The following ULK2 variants were observed in gnomAD, a reference collection of about 807,000 sequenced individuals.
The protein encoded by ULK2 is unc-51 like autophagy activating kinase 2.
ULK2 carries 76 observed loss-of-function variants against 127.5 expected under a neutral mutation model. That is an observed-to-expected ratio of 0.60 (90% confidence interval 0.50 to 0.72). ULK2 has a LOEUF of 0.72. ULK2 is among the 30% of genes least tolerant of loss of function. ULK2 has a pLI of 0.00. For synonymous variants in ULK2, 452 were observed against 461.9 expected (o/e 0.98, Z 0.28); for missense variants, 1,144 against 1,295.9 (o/e 0.88, Z 1.80).
intron 14 of ULK2, among the ~76,000 whole-genome samples, chr17:19,807,512 T>C (rs190351110): frequency 1.3e-5 from 2 of 152,298 alleles, no homozygotes; most frequent in African/African-American, 4.8e-5. Context: ...ATTCCCTACA[T>C]GTACTGAAAA....
rs938227934 is a variant in ULK2, at chr17:19,789,933, T to G, written c.2102-3847A>C. On this transcript the variant is annotated intron_variant, in intron 20 of 26. Transcript: ENST00000395544. The stretch of plus-strand genomic sequence containing the variant: ...GCCAAAAAAAAAAAAAAACAAAAAC[T>G]AAGGGTTATTGGCCTTAAGTAGAAA... Among the ~76,000 whole-genome samples, 4 of 137,108 alleles carry G rather than the reference T, an allele frequency of 2.9e-5. No individual in the cohort carries two copies. The East Asian group carries it at 6.5e-4, about 22-fold the overall frequency. 89.9% of individuals were successfully genotyped at this position (137,108 alleles called of 152,430 possible). A position where few individuals can be genotyped will look rare whatever the true frequency, so the allele number is the denominator to read the frequency against.
At chr17:19,824,282 A>T (rs555572182) in intron 12 of ULK2, among the ~76,000 whole-genome samples, 1 of 151,914 alleles carries the variant, frequency 6.6e-6, no homozygotes, top group African/African-American at 2.4e-5. Context: ...CCGTCTCTAC[A>T]AAAGATACAA....
intron 10 of ULK2, among the ~76,000 whole-genome samples, chr17:19,829,595 T>C (rs1432602133): frequency 2.1e-5 from 3 of 139,832 alleles, no homozygotes; most frequent in Non-Finnish European, 3.0e-5. Flanking sequence ...CCCAGCACTT[T>C]AGGAGGCTGA....
chr17:19,832,689 G>A (rs1048214841), intron 10 of ULK2, among the ~76,000 whole-genome samples: 1 of 152,086 alleles, frequency 6.6e-6, no homozygotes, highest in Non-Finnish European at 1.5e-5. Flanking sequence ...TGTAGACAAA[G>A]GGGTGACCCC....
At chr17:19,808,404 A>T (rs940361276) in intron 14 of ULK2, among the ~76,000 whole-genome samples, 2 of 152,244 alleles carry the variant, frequency 1.3e-5, no homozygotes, top group Non-Finnish European at 1.5e-5. Flanking sequence ...CCAAAAGCAC[A>T]GGCAACAAAA....
chr17:19,795,194 T>C (rs2087241007), intron 20 of ULK2, among the ~76,000 whole-genome samples: 1 of 151,930 alleles, frequency 6.6e-6, no homozygotes, highest in Non-Finnish European at 1.5e-5. Context: ...TAGATATACA[T>C]GGGTGGTCAT....
At chr17:19,858,391 C>A (rs1597822382) in intron 3 of ULK2, among the ~76,000 whole-genome samples, 1 of 151,600 alleles carries the variant, frequency 6.6e-6, no homozygotes, top group African/African-American at 2.4e-5. Flanking sequence ...GAGAGCCAGA[C>A]CCTGTCTCAA....
At chr17:19,776,753 T>C (rs961149447) in intron 26 of ULK2, among the ~76,000 whole-genome samples, 2 of 152,194 alleles carry the variant, frequency 1.3e-5, no homozygotes, top group African/African-American at 2.4e-5. Flanking sequence ...AGTAATAACA[T>C]CCTGGTATCC....
chr17:19,864,492 T>G (rs2042312817), intron 3 of ULK2, among the ~76,000 whole-genome samples: 1 of 152,050 alleles, frequency 6.6e-6, no homozygotes, highest in African/African-American at 2.4e-5. Flanking sequence ...AAAAGCTCTA[T>G]TTTTAATTGT....
intron 10 of ULK2, among the ~76,000 whole-genome samples, chr17:19,833,712 C>T (rs2041521401): frequency 6.6e-6 from 1 of 152,042 alleles, no homozygotes; most frequent in Admixed American, 6.6e-5. Context: ...AGTACAATAA[C>T]TGAATAAAAC....
rs768122570 is a variant in ULK2, at chr17:19,796,231, C to A, written c.1861G>T (p.Ala621Ser). ...PKTQASSNLLALVTRHGPAEE... is the reference protein window; with the variant it reads ...PKTQASSNLLSLVTRHGPAEE... ...GCAGGCCCATGACGAGTAACCAAGG[C>A]TAACAGGTTGGAAGATGCTTGAGTT... The change falls in exon 19 of 27, where the codon GCC (alanine) becomes TCC (serine). Residue 621 changes from alanine (A) to serine (S), a missense_variant. This residue lies in a region of ULK2 where 913 missense variants were observed against 970.5 expected (regional missense o/e 0.94). Transcript: ENST00000395544. The A allele has an allele frequency of 6.2e-7, 1 of 1,614,052 alleles. No individual in the cohort carries two copies. Among genetic ancestry groups the A allele is most frequent in the South Asian group, 1.1e-5 (1 of 91,068 alleles).
At chr17:19,779,561 CAT>C (rs1314416319) in intron 25 of ULK2, among the ~76,000 whole-genome samples, 1 of 133,900 alleles carries the variant, frequency 7.5e-6, no homozygotes, top group African/African-American at 2.8e-5. Flanking sequence ...AAAAGAAAAA[CAT>C]ATGATTGGCT....
intron 21 of ULK2, among the ~76,000 whole-genome samples, chr17:19,784,438 T>C (rs1425815322): frequency 6.6e-6 from 1 of 150,634 alleles, no homozygotes; most frequent in Non-Finnish European, 1.5e-5. Context: ...TCCTAAGAAC[T>C]GTTATAGTAC....
intron 3 of ULK2, among the ~76,000 whole-genome samples, chr17:19,854,231 T>A (rs372343477): frequency 6.6e-6 from 1 of 150,858 alleles, no homozygotes; most frequent in African/African-American, 2.4e-5. Flanking sequence ...TGAGCCAAGA[T>A]TGCGCCACTG....
chr17:19,797,600 G>C lies in ULK2; in HGVS notation c.1605C>G (p.Ile535Met). The C allele has an allele frequency of 1.2e-6, 2 of 1,613,776 alleles. No individual in the cohort carries two copies. The highest frequency in any genetic ancestry group is 8.5e-7 in the Non-Finnish European group (1 of 1,179,954). ...TTCTGAGCTTCTGCTTGTTCTGATA[G>C]ATGTCAGTGAGGGTGGGGGCGCTCT... ...RLQSAPTLTDIYQNKQKLRKQ... is the reference protein window; with the variant it reads ...RLQSAPTLTDMYQNKQKLRKQ... The change falls in exon 18 of 27, where the codon ATC becomes ATG. Residue 535 changes from isoleucine to methionine, a missense_variant. This residue lies in a region of ULK2 where 913 missense variants were observed against 970.5 expected (regional missense o/e 0.94). Coordinates refer to ENST00000395544, the MANE Select transcript of ULK2 (RefSeq NM_014683.4).
At chr17:19,821,016 G>T (rs757772302) in intron 12 of ULK2, among the ~76,000 whole-genome samples, 1 of 152,152 alleles carries the variant, frequency 6.6e-6, no homozygotes, top group African/African-American at 2.4e-5. Context: ...GTTATAAAAC[G>T]AATAAATAGG....
chr17:19,859,271 T>C (rs745729216), intron 3 of ULK2, among the ~76,000 whole-genome samples: 7 of 152,142 alleles, frequency 4.6e-5, no homozygotes, highest in Non-Finnish European at 1.0e-4. Context: ...CCCAGCACTT[T>C]GGGAGGCTGA....
intron 13 of ULK2, among the ~76,000 whole-genome samples, chr17:19,811,464 C>CA (rs1260396504): frequency 6.6e-6 from 1 of 151,156 alleles, no homozygotes. Flanking sequence ...ATTTTTGAGA[C>CA]AGAGTCTCAC....
intron 12 of ULK2, among the ~76,000 whole-genome samples, chr17:19,822,065 A>C (rs1414054855): frequency 6.6e-6 from 1 of 151,670 alleles, no homozygotes; most frequent in Admixed American, 6.6e-5. Flanking sequence ...AGCTCACTGC[A>C]ATCTCCACCT....
Sources: gnomAD v4.1 joint callset for allele counts (sites outside exome capture counted in the v4.1 genomes callset) on GRCh38, gnomAD v4.1.1 for gene constraint, gnomAD v4.1.1 regional missense constraint, MANE v1.5 for transcripts, NCBI Gene and HGNC (gene_info 2026-07-23, HGNC 2026-07-21) for gene names.